SLC2A13: variants seen among roughly 807,000 people sequenced by gnomAD.
SLC2A13 encodes solute carrier family 2 member 13, also known as proton myo-inositol cotransporter.
In SLC2A13, 32 loss-of-function variants were observed where a neutral mutation model predicts 64.4. That is an observed-to-expected ratio of 0.50 (90% CI 0.37 to 0.67). The LOEUF is 0.67. Among genes scored for constraint, SLC2A13 ranks in the 30% least tolerant of loss-of-function variants. SLC2A13 has a pLI of 0.00. For synonymous variants in SLC2A13, 338 were observed against 327.1 expected, an observed-to-expected ratio of 1.03 and a Z score of -0.36; for missense variants, 743 against 829.2, an observed-to-expected ratio of 0.90 and a Z score of 1.28.
intron 1 of SLC2A13, among the ~76,000 whole-genome samples, chr12:40,080,963 T>C (rs376195961): frequency 1.5e-3 from 229 of 152,348 alleles, no homozygotes; most frequent in African/African-American, 5.3e-3. Context: ...TTATGAAGTT[T>C]AGTTTGGCTG....
Position 39,895,653 on chromosome 12 carries a change from C to CACACATATGTATATGCGTGTATACGTAA in SLC2A13, c.1035-23693_1035-23692insTTACGTATACACGCATATACATATGTGT, listed in dbSNP as rs1565526087. 5.2e-5 allele frequency among the ~76,000 whole-genome samples: 4 copies of CACACATATGTATATGCGTGTATACGTAA among 77,466 alleles called. 1 individual carries two copies. The highest frequency in any genetic ancestry group is 2.0e-4 in the African/African-American group (4 of 20,374). The allele number at this position is 77,466 out of a possible 152,430, so 50.8% of individuals were successfully genotyped here. A position where few individuals can be genotyped will look rare whatever the true frequency, so the allele number is the denominator to read the frequency against. On this transcript the variant is annotated intron_variant, in intron 4 of 9. Transcript: ENST00000280871. ...ACATATGTATATGCGTGTATACGTA[C>CACACATATGTATATGCGTGTATACGTAA]ACACATATGTATATGCGTGTATACG...
chr12:39,882,087 A>AT (rs2135960316), intron 4 of SLC2A13, among the ~76,000 whole-genome samples: 1 of 152,236 alleles, frequency 6.6e-6, no homozygotes, highest in South Asian at 2.1e-4. Context: ...TGTAGACTTT[A>AT]TTCCAGACAC....
intron 4 of SLC2A13, among the ~76,000 whole-genome samples, chr12:39,883,329 C>T: frequency 6.6e-6 from 1 of 152,138 alleles, no homozygotes. Context: ...TCCTTTCTAC[C>T]TCACTGCCAG....
chr12:39,771,139 C>T (rs1183165293), intron 7 of SLC2A13, among the ~76,000 whole-genome samples: 5 of 152,128 alleles, frequency 3.3e-5, no homozygotes, highest in Non-Finnish European at 7.4e-5. Context: ...ATTTAGACTC[C>T]GAGTGTGTGT....
chr12:39,866,199 GA>G (rs1943907204), intron 5 of SLC2A13, among the ~76,000 whole-genome samples: 1 of 152,160 alleles, frequency 6.6e-6, no homozygotes, highest in African/African-American at 2.4e-5. Context: ...ATTTTAAAAA[GA>G]ACATTGAGAA....
At chr12:39,974,659 C>T (rs1240666355) in intron 3 of SLC2A13, among the ~76,000 whole-genome samples, 2 of 152,110 alleles carry the variant, frequency 1.3e-5, no homozygotes, top group Non-Finnish European at 1.5e-5. Flanking sequence ...TCATAAGATA[C>T]GTTCAAATTA....
intron 4 of SLC2A13, among the ~76,000 whole-genome samples, chr12:39,924,098 T>C (rs1339477568): frequency 1.3e-5 from 2 of 152,184 alleles, no homozygotes; most frequent in Non-Finnish European, 1.5e-5. Flanking sequence ...TAATTTTCTT[T>C]CATTTATCTT....
intron 3 of SLC2A13, among the ~76,000 whole-genome samples, chr12:39,965,311 ATTAGTT>A (rs1946490311): frequency 6.6e-6 from 1 of 152,204 alleles, no homozygotes; most frequent in African/African-American, 2.4e-5. Flanking sequence ...ATGCTGGAAC[ATTAGTT>A]TTAATTTTAC....
chr12:40,082,758 A>C (rs1263605755), intron 1 of SLC2A13, among the ~76,000 whole-genome samples: 1 of 152,128 alleles, frequency 6.6e-6, no homozygotes, highest in African/African-American at 2.4e-5. Context: ...TGCCAGCTCA[A>C]ATATCCATAG....
At chr12:39,857,121 G>T (rs2135908303) in intron 6 of SLC2A13, among the ~76,000 whole-genome samples, 1 of 152,310 alleles carries the variant, frequency 6.6e-6, no homozygotes, top group East Asian at 1.9e-4. Flanking sequence ...GATTATCAGA[G>T]ATACATGTTT....
intron 1 of SLC2A13, among the ~76,000 whole-genome samples, chr12:40,091,299 G>A (rs951798735): frequency 3.3e-5 from 5 of 152,138 alleles, no homozygotes; most frequent in Admixed American, 2.0e-4. Flanking sequence ...TTTATGCACT[G>A]TAATTTGTAC....
chr12:39,886,011 ATTTTAAGGTTTC>A (rs753530738), intron 4 of SLC2A13, among the ~76,000 whole-genome samples: 56 of 152,294 alleles, frequency 3.7e-4, no homozygotes, highest in Non-Finnish European at 1.2e-4. Context: ...TAAATCACTA[ATTTTAAGGTTTC>A]TTTTACTTTA....
chr12:40,073,446 T>C (rs1179505401), intron 1 of SLC2A13, among the ~76,000 whole-genome samples: 3 of 152,088 alleles, frequency 2.0e-5, no homozygotes, highest in East Asian at 3.8e-4. Flanking sequence ...TTCAATAAAG[T>C]GTTGTCTCAG....
Position 40,105,885 on chromosome 12 carries a change from C to G in SLC2A13, c.-77G>C. The G allele has an allele frequency of 1.4e-5, 18 of 1,267,448 alleles. No individual in the cohort carries two copies. The highest frequency in any genetic ancestry group is 2.6e-5 in the South Asian group (1 of 37,900). 78.5% of individuals were successfully genotyped at this position (1,267,448 alleles called of 1,614,324 possible). On this transcript the variant is annotated 5_prime_UTR_variant, in exon 1 of 10. Coordinates refer to ENST00000280871, the MANE Select transcript of SLC2A13 (RefSeq NM_052885.4). The surrounding 1 kb of genome is among the most constrained non-coding windows in gnomAD (Gnocchi z 4.2). ...TCTCGGCGAGCTAGACAGCCCGAGC[C>G]GGCGGGAGCAACCGCCGCTGCCGCC... is the stretch of plus-strand genomic sequence containing the variant.
intron 1 of SLC2A13, among the ~76,000 whole-genome samples, chr12:40,051,637 T>G (rs1312025925): frequency 1.3e-5 from 2 of 151,840 alleles, no homozygotes; most frequent in African/African-American, 4.8e-5. Flanking sequence ...TGAGATGTAG[T>G]GAATAAGTAA....
At position 39,934,928 on chromosome 12, in the gene SLC2A13, C is replaced by A. The variant is rs75381250; in HGVS notation, c.1034+16329G>T. ...GACTATTTGTCTCTGCATGGAGCGG[C>A]TTAATAGCATTTGAAATCCTGCAAT... On this transcript the variant is annotated intron_variant, in intron 4 of 9. Coordinates refer to ENST00000280871, the MANE Select transcript of SLC2A13 (RefSeq NM_052885.4). Among the ~76,000 whole-genome samples the A allele has an allele frequency of 2.0e-5, 3 of 152,216 alleles. No individual in the cohort carries two copies. In the East Asian group the frequency reaches 5.8e-4, roughly 29 times the overall value.
At chr12:39,812,388 T>TTTCTTTTCTTTTCTTTTCTTTCTC (rs1942199224) in intron 7 of SLC2A13, among the ~76,000 whole-genome samples, 1 of 124,822 alleles carries the variant, frequency 8.0e-6, no homozygotes, top group African/African-American at 2.7e-5. Flanking sequence ...TTTTCTTTCT[T>TTTCTTTTCTTTTCTTTTCTTTCTC]TCTCTCTCTC....
chr12:39,905,703 T>C (rs941028356), intron 4 of SLC2A13, among the ~76,000 whole-genome samples: 2 of 151,606 alleles, frequency 1.3e-5, no homozygotes, highest in African/African-American at 4.8e-5. Context: ...TGCTACAGAA[T>C]CACACAGCTA....
At chr12:39,925,242 C>A (rs1285696800) in intron 4 of SLC2A13, among the ~76,000 whole-genome samples, 1 of 151,956 alleles carries the variant, frequency 6.6e-6, no homozygotes, top group African/African-American at 2.4e-5. Context: ...ACCATATCGT[C>A]AGGCTAGTCT....
Sources: allele counts gnomAD v4.1 joint callset (sites outside exome capture counted in the v4.1 genomes callset), GRCh38; gene constraint gnomAD v4.1.1; non-coding constraint Gnocchi (gnomAD v3.1); transcripts MANE v1.5; gene names NCBI Gene and HGNC (gene_info 2026-07-23, HGNC 2026-07-21).